Variants in PATJ observed in about 807,000 individuals in gnomAD.
PATJ encodes the protein PATJ crumbs cell polarity complex component.
A neutral mutation model predicts 224.9 loss-of-function variants in PATJ; 190 were observed. That is an observed-to-expected ratio of 0.84 (90% CI 0.75 to 0.95). The LOEUF is 0.95. Among genes scored for constraint, PATJ ranks in the 40% least tolerant of loss-of-function variants. The pLI is 0.00. For missense variants in PATJ, 2,121 were observed against 2,270.3 expected, an observed-to-expected ratio of 0.93 and a Z score of 1.34; for synonymous variants, 769 against 820.3, an observed-to-expected ratio of 0.94 and a Z score of 1.07.
chr1:61,972,067 A>G (rs1484601091), intron 27 of PATJ, among the ~76,000 whole-genome samples: 5 of 152,022 alleles, frequency 3.3e-5, no homozygotes, highest in Non-Finnish European at 7.3e-5. Flanking sequence ...GCTTGGGACC[A>G]GAAGTGTTTC....
intron 30 of PATJ, among the ~76,000 whole-genome samples, chr1:62,044,158 A>G (rs1283020878): frequency 6.6e-6 from 1 of 152,278 alleles, no homozygotes; most frequent in Non-Finnish European, 1.5e-5. Context: ...TCAAGAATAC[A>G]GTACATTGTT....
At position 62,147,496 on chromosome 1, in the gene PATJ, A is replaced by T. The variant is rs552089386; in HGVS notation, c.5272-788A>T. On this transcript the variant is annotated intron_variant, in intron 41 of 43. Transcript: ENST00000642238. ...GCAACATGGCAAAAACTCCCTCTAC[A>T]AATACAAAAAAATTAGCCAGGGCTG... is the stretch of plus-strand genomic sequence containing the variant. Among the ~76,000 whole-genome samples, 4 of 152,210 alleles carry T rather than the reference A, an allele frequency of 2.6e-5. No individual in the cohort carries two copies. In the East Asian group the frequency reaches 5.8e-4, roughly 22 times the overall value.
At chr1:61,769,549 T>G in intron 5 of PATJ, 127 bp downstream of exon 5, 2 of 1,066,760 alleles carry the variant, frequency 1.9e-6, no homozygotes, top group East Asian at 4.9e-5. Context: ...CTTTCGTTTT[T>G]GCTATGCATT....
chr1:62,098,768 A>G (rs928467390), intron 33 of PATJ, among the ~76,000 whole-genome samples: 3 of 152,162 alleles, frequency 2.0e-5, no homozygotes, highest in South Asian at 2.1e-4. Context: ...TTTTAAAATC[A>G]CATTCTAGTT....
chr1:61,871,974 G>A (rs1353403083), intron 20 of PATJ, among the ~76,000 whole-genome samples: 2 of 151,460 alleles, frequency 1.3e-5, no homozygotes, highest in African/African-American at 4.9e-5. Context: ...CCAAAGTGCT[G>A]GGATTACAGG....
At chr1:61,862,345 C>T (rs557191395) in intron 19 of PATJ, among the ~76,000 whole-genome samples, 10 of 151,838 alleles carry the variant, frequency 6.6e-5, no homozygotes, top group South Asian at 4.2e-4. Context: ...TACAGGCGTG[C>T]GCCACCACGC....
At chr1:61,852,119 T>TA (rs3030913) in intron 17 of PATJ, among the ~76,000 whole-genome samples, 8,784 of 108,776 alleles carry the variant, frequency 0.081, 496 homozygotes, top group African/African-American at 0.15. Flanking sequence ...GATTCTGTCT[T>TA]AAAAAAAAAA....
At chr1:61,776,409 ACAAACCGTTAT>A in intron 7 of PATJ, among the ~76,000 whole-genome samples, 1 of 152,234 alleles carries the variant, frequency 6.6e-6, no homozygotes, top group Non-Finnish European at 1.5e-5. Context: ...GGCAGTGGCC[ACAAACCGTTAT>A]AGTAATGATT....
At chr1:62,121,154 C>T (rs778889588) in intron 37 of PATJ, 27 bp from the exon 38 acceptor site, 1 of 1,467,406 alleles carries the variant, frequency 6.8e-7, no homozygotes, top group Non-Finnish European at 9.5e-7. Flanking sequence ...TGTCTGCACA[C>T]AGGTGACCCC....
intron 16 of PATJ, among the ~76,000 whole-genome samples, chr1:61,830,446 A>G (rs1659095505): frequency 7.0e-6 from 1 of 143,548 alleles, no homozygotes; most frequent in Non-Finnish European, 1.5e-5. Flanking sequence ...AGCAATTTAT[A>G]GATTCAGTGC....
intron 13 of PATJ, 96 bp downstream of exon 13, chr1:61,805,620 C>A: frequency 1.4e-6 from 1 of 726,648 alleles, no homozygotes; most frequent in Non-Finnish European, 2.4e-6. Context: ...CAAAGAATAG[C>A]CCGCCTGACT....
At position 61,775,323 on chromosome 1, in the gene PATJ, T is replaced by A. The variant is rs778069462; in HGVS notation, c.838T>A (p.Leu280Ile). The A allele has an allele frequency of 6.2e-7, 1 of 1,609,706 alleles. No homozygotes were observed. Among genetic ancestry groups the A allele is most frequent in the Non-Finnish European group, 8.5e-7 (1 of 1,178,714 alleles). ...VVVRTIVPGG[L>I]ADRDGRLQTG... ...TGTGAGGACTATAGTTCCTGGAGGA[T>A]TAGCAGATCGAGTAAGTCAACCTTC... is the stretch of plus-strand genomic sequence containing the variant. The change falls in exon 7 of 44, where the codon TTA becomes ATA. Residue 280 changes from leucine (L) to isoleucine (I), a missense_variant. Transcript: ENST00000642238.
intron 17 of PATJ, among the ~76,000 whole-genome samples, chr1:61,842,567 C>T (rs932067403): frequency 6.6e-6 from 1 of 151,894 alleles, no homozygotes; most frequent in Non-Finnish European, 1.5e-5. Flanking sequence ...GTGTTTCAGA[C>T]GTGGCCAAAC....
intron 17 of PATJ, among the ~76,000 whole-genome samples, chr1:61,837,222 T>C (rs1379989705): frequency 6.6e-6 from 1 of 152,224 alleles, no homozygotes; most frequent in Non-Finnish European, 1.5e-5. Context: ...TATGGAAATA[T>C]ATTAACAATT....
chr1:62,150,159 A>C (rs1377755563), intron 42 of PATJ, among the ~76,000 whole-genome samples: 1 of 152,186 alleles, frequency 6.6e-6, no homozygotes, highest in Admixed American at 6.6e-5. Flanking sequence ...GTAAGGCCAC[A>C]AAGTGGGGAA....
intron 33 of PATJ, chr1:62,100,271 T>C (rs1478563975): frequency 1.5e-6 from 1 of 687,312 alleles, no homozygotes; most frequent in South Asian, 1.6e-5. Flanking sequence ...TAACAGAATA[T>C]CTGAGACTGG....
Position 62,162,122 on chromosome 1 carries a change from A to G in PATJ, c.*1068A>G, listed in dbSNP as rs1669881808. 6.6e-6 allele frequency: 1 copy of G among 152,234 alleles called. No individual in the cohort carries two copies. The highest frequency in any genetic ancestry group is 2.4e-5 in the African/African-American group (1 of 41,458). The allele number at this position is 152,234 out of a possible 1,614,324, so 9.4% of individuals were successfully genotyped here. ...AATGAACCTTATTCTCAGCAGGAAC[A>G]ACTAGCATACATGTTCTGAATTCTA... On this transcript the variant is annotated 3_prime_UTR_variant, in exon 44 of 44. Coordinates refer to ENST00000642238, the MANE Select transcript of PATJ (RefSeq NM_001350145.3).
intron 23 of PATJ, among the ~76,000 whole-genome samples, chr1:61,900,160 C>T (rs1245224073): frequency 1.3e-5 from 2 of 152,198 alleles, no homozygotes; most frequent in East Asian, 1.9e-4. Context: ...ACCAGGGCTG[C>T]ACTTTAAGAT....
intron 30 of PATJ, among the ~76,000 whole-genome samples, chr1:62,045,735 C>T (rs1328221749): frequency 6.6e-6 from 1 of 152,180 alleles, no homozygotes; most frequent in African/African-American, 2.4e-5. Context: ...GGCCCCCATC[C>T]GTCAGCCAGA....
Sources: allele counts gnomAD v4.1 joint callset (sites outside exome capture counted in the v4.1 genomes callset), GRCh38; gene constraint gnomAD v4.1.1; transcripts MANE v1.5; gene names NCBI Gene and HGNC (gene_info 2026-07-23, HGNC 2026-07-21).